Variants in PCA3 observed in about 807,000 individuals in gnomAD.
The protein encoded by PCA3 is prostate cancer associated 3, also known as Differential Display code 3.
At chr9:76,773,042 AAAATC>A (rs547228201) in intron 2 of PCA3, among the ~76,000 whole-genome samples, 15 of 152,254 alleles carry the variant, frequency 9.9e-5, no homozygotes, top group Non-Finnish European at 2.1e-4. Flanking sequence ...TTTAGAAACA[AAAATC>A]AAATCAACAA....
chr9:76,779,856 T>C (rs892966090), intron 2 of PCA3: 1 of 152,254 alleles, frequency 6.6e-6, no homozygotes, highest in African/African-American at 2.4e-5. Context: ...TATAATTGCA[T>C]TTAACATTCC....
At chr9:76,775,435 T>A (rs1197194474) in intron 2 of PCA3, among the ~76,000 whole-genome samples, 1 of 151,944 alleles carries the variant, frequency 6.6e-6, no homozygotes, top group African/African-American at 2.4e-5. Flanking sequence ...TAGCTGGGAC[T>A]ACAGGCATGC....
At chr9:76,767,155 CA>C (rs2052496063) in intron 2 of PCA3, among the ~76,000 whole-genome samples, 3 of 152,084 alleles carry the variant, frequency 2.0e-5, no homozygotes, top group Non-Finnish European at 4.4e-5. Context: ...AGGACCTATT[CA>C]AAACAGAATC....
At chr9:76,764,723 C>T (rs534007902) in intron 2 of PCA3, among the ~76,000 whole-genome samples, 1 of 152,278 alleles carries the variant, frequency 6.6e-6, no homozygotes, top group South Asian at 2.1e-4. Context: ...GGAGCAGGGA[C>T]ACCAGTTAAG....
At chr9:76,771,835 A>C (rs2053147262) in intron 2 of PCA3, among the ~76,000 whole-genome samples, 1 of 152,010 alleles carries the variant, frequency 6.6e-6, no homozygotes, top group Admixed American at 6.6e-5. Flanking sequence ...GCCACCAACC[A>C]CTCAGGTGTG....
At chr9:76,774,879 G>C (rs917273093) in intron 2 of PCA3, among the ~76,000 whole-genome samples, 35 of 152,136 alleles carry the variant, frequency 2.3e-4, no homozygotes, top group African/African-American at 8.4e-4. Context: ...AAAAACATGA[G>C]TTCAAATTCT....
intron 2 of PCA3, among the ~76,000 whole-genome samples, chr9:76,765,088 T>A (rs2052192536): frequency 6.6e-6 from 1 of 152,190 alleles, no homozygotes; most frequent in Non-Finnish European, 1.5e-5. Flanking sequence ...CGTTTTGAGT[T>A]CAGTAGCAGA....
chr9:76,780,430 G>A (rs1228561991), intron 2 of PCA3, among the ~76,000 whole-genome samples: 2 of 152,156 alleles, frequency 1.3e-5, no homozygotes, highest in African/African-American at 4.8e-5. Context: ...GCTCACGCCT[G>A]TAATCCCAGC....
chr9:76,784,652 A>C (rs2054783114), intron 2 of PCA3: 1 of 152,234 alleles, frequency 6.6e-6, no homozygotes. Flanking sequence ...CATTTTGTTC[A>C]AAGACCCTTC....
chr9:76,773,305 A>G (rs7022379), intron 2 of PCA3, among the ~76,000 whole-genome samples: 82,160 of 151,528 alleles, frequency 0.54, 23,866 homozygotes, highest in African/African-American at 0.76. Flanking sequence ...ATTTCTGTAA[A>G]CCCTGGGAGA....
intron 2 of PCA3, among the ~76,000 whole-genome samples, chr9:76,764,720 G>A (rs956848954): frequency 6.6e-6 from 1 of 152,216 alleles, no homozygotes; most frequent in South Asian, 2.1e-4. Context: ...GTAGGAGCAG[G>A]GACACCAGTT....
At chr9:76,781,351 C>T (rs1236256529) in intron 2 of PCA3, among the ~76,000 whole-genome samples, 4 of 152,132 alleles carry the variant, frequency 2.6e-5, no homozygotes, top group Non-Finnish European at 5.9e-5. Flanking sequence ...ATGCCACTCC[C>T]TCCCCTACAC....
intron 2 of PCA3, among the ~76,000 whole-genome samples, chr9:76,780,367 T>C (rs915259259): frequency 6.6e-6 from 1 of 152,110 alleles, no homozygotes; most frequent in African/African-American, 2.4e-5. Context: ...CCATTTAGTC[T>C]GGCCACCTGT....
intron 2 of PCA3, chr9:76,786,102 T>C (rs1377510321): frequency 1.3e-5 from 2 of 152,172 alleles, no homozygotes; most frequent in African/African-American, 4.8e-5. Flanking sequence ...TTGAGAAATA[T>C]TCAATTCTCA....
At chr9:76,782,630 C>T (rs974782625) in intron 2 of PCA3, 3 of 152,154 alleles carry the variant, frequency 2.0e-5, no homozygotes, top group Non-Finnish European at 4.4e-5. Context: ...GAGTTATAAG[C>T]GCAGAGTTTC....
chr9:76,775,141 G>A (rs139933844), intron 2 of PCA3, among the ~76,000 whole-genome samples: 1,954 of 152,276 alleles, frequency 0.013, 20 homozygotes, highest in South Asian at 0.02. Flanking sequence ...TTATTTGGTC[G>A]GGGGGAAAGA....
chr9:76,765,177 G>C (rs547423292), intron 2 of PCA3, among the ~76,000 whole-genome samples: 2 of 152,144 alleles, frequency 1.3e-5, no homozygotes, highest in Non-Finnish European at 2.9e-5. Flanking sequence ...CAATGAGCTG[G>C]AACCAAGCTG....
intron 2 of PCA3, among the ~76,000 whole-genome samples, chr9:76,768,476 G>A (rs1370851794): frequency 6.6e-6 from 1 of 151,724 alleles, no homozygotes; most frequent in African/African-American, 2.4e-5. Context: ...TACAGGCATG[G>A]GCTACTACTC....
chr9:76,776,955 G>C (rs2053867110), intron 2 of PCA3, among the ~76,000 whole-genome samples: 1 of 141,942 alleles, frequency 7.0e-6, no homozygotes, highest in Non-Finnish European at 1.5e-5. Context: ...CAAAGGGCCT[G>C]GACCTTTCTT....
Sources: allele counts gnomAD v4.1 joint callset (sites outside exome capture counted in the v4.1 genomes callset), GRCh38; gene constraint gnomAD v4.1.1; transcripts MANE v1.5; gene names NCBI Gene and HGNC (gene_info 2026-07-23, HGNC 2026-07-21).